Variants in SLC27A2 observed in about 807,000 individuals in gnomAD.
The protein encoded by SLC27A2 is long-chain fatty acid transport protein 2.
SLC27A2 carries 54 observed loss-of-function variants against 60.0 expected under a neutral mutation model. The observed-to-expected ratio is 0.90, with a 90% confidence interval of 0.72 to 1.13. SLC27A2 has a LOEUF of 1.13. Ranked by LOEUF, SLC27A2 falls within the 50% of genes most tolerant of loss-of-function variation. The pLI is 0.00. For missense variants in SLC27A2, 739 were observed against 777.6 expected (o/e 0.95, Z 0.59); for synonymous variants, 297 against 297.6 (o/e 1.00, Z 0.02).
intron 4 of SLC27A2, among the ~76,000 whole-genome samples, chr15:50,213,801 C>A (rs12442320): frequency 1.3e-5 from 2 of 152,006 alleles, no homozygotes; most frequent in Admixed American, 1.3e-4. Flanking sequence ...CTCTGGGATA[C>A]AACAAAGGCG....
intron 1 of SLC27A2, among the ~76,000 whole-genome samples, chr15:50,183,954 C>T (rs989774668): frequency 6.7e-6 from 1 of 149,364 alleles, no homozygotes; most frequent in African/African-American, 2.5e-5. Flanking sequence ...AAATTCCAAC[C>T]TAGCTCTATC....
chr15:50,207,685 G>T (rs2045123729), intron 4 of SLC27A2, among the ~76,000 whole-genome samples: 1 of 151,594 alleles, frequency 6.6e-6, no homozygotes, highest in Admixed American at 6.6e-5. Flanking sequence ...AACTACTCAG[G>T]AGGCTGAAGC....
Position 50,229,056 on chromosome 15 carries a change from A to G in SLC27A2, c.1555+14A>G. 1 of 1,496,168 alleles carries G rather than the reference A, an allele frequency of 6.7e-7. No homozygotes were observed. Among genetic ancestry groups the G allele is most frequent in the South Asian group, 1.1e-5 (1 of 87,534 alleles). The allele number at this position is 1,496,168 out of a possible 1,614,324, so 92.7% of individuals were successfully genotyped here. A position where few individuals can be genotyped will look rare whatever the true frequency, so the allele number is the denominator to read the frequency against. On this transcript the variant is annotated intron_variant, in intron 8 of 9. Transcript: ENST00000267842. ...TGCATGTGCCAGGTATATACAAGAT[A>G]TGATCTGTACCTAACCCATAGAGTA...
chr15:50,197,820 A>C, intron 2 of SLC27A2, 111 bp downstream of exon 2: 1 of 714,986 alleles, frequency 1.4e-6, no homozygotes, highest in Middle Eastern at 3.9e-4. Context: ...CTAATACTTC[A>C]GGAGATTTAG....
chr15:50,189,722 A>G (rs1039837667), intron 1 of SLC27A2, among the ~76,000 whole-genome samples: 1 of 152,226 alleles, frequency 6.6e-6, no homozygotes, highest in Non-Finnish European at 1.5e-5. Flanking sequence ...AGATTATTCT[A>G]TATAATAGGT....
At position 50,229,059 on chromosome 15, in the gene SLC27A2, ATC is replaced by A; in HGVS notation, c.1555+19_1555+20del. On this transcript the variant is annotated intron_variant, in intron 8 of 9. Coordinates refer to ENST00000267842, the MANE Select transcript of SLC27A2 (RefSeq NM_003645.4). ...ATGTGCCAGGTATATACAAGATATGATCTGTACCTAACCCATAGAGTAACTGA... is the reference window on the plus strand; with the variant it reads ...ATGTGCCAGGTATATACAAGATATGATGTACCTAACCCATAGAGTAACTGA... The A allele has an allele frequency of 6.9e-7, 1 of 1,452,292 alleles. No homozygotes were observed. The allele number at this position is 1,452,292 out of a possible 1,614,324, so 90.0% of individuals were successfully genotyped here.
At chr15:50,234,166 C>T (rs1043469908) in intron 9 of SLC27A2, among the ~76,000 whole-genome samples, 168 bp downstream of exon 9, 5 of 152,168 alleles carry the variant, frequency 3.3e-5, no homozygotes, top group Admixed American at 6.5e-5. Context: ...TAATATCAGG[C>T]TGGGTGCGGT....
At chr15:50,185,001 C>T (rs1035822893) in intron 1 of SLC27A2, among the ~76,000 whole-genome samples, 2 of 152,170 alleles carry the variant, frequency 1.3e-5, no homozygotes, top group Non-Finnish European at 2.9e-5. Context: ...TACCAGCTTG[C>T]TTGGAGGGAA....
chr15:50,206,669 T>A (rs900838078), intron 4 of SLC27A2, among the ~76,000 whole-genome samples: 4 of 152,192 alleles, frequency 2.6e-5, no homozygotes, highest in South Asian at 2.1e-4. Flanking sequence ...GATTATTGTC[T>A]GCCCCCCCTC....
At chr15:50,216,900 A>T (rs917092891) in intron 4 of SLC27A2, among the ~76,000 whole-genome samples, 7 of 147,598 alleles carry the variant, frequency 4.7e-5, no homozygotes, top group South Asian at 2.1e-4. Flanking sequence ...TATTCCAAAA[A>T]ATATATATAT....
At chr15:50,196,085 T>A (rs1441595136) in intron 1 of SLC27A2, among the ~76,000 whole-genome samples, 825 of 4,278 alleles carry the variant, frequency 0.19, 153 homozygotes, top group Middle Eastern at 0.5. Flanking sequence ...AAAATATATA[T>A]ATATATATAT....
At chr15:50,207,439 T>C (rs2045121669) in intron 4 of SLC27A2, among the ~76,000 whole-genome samples, 3 of 151,980 alleles carry the variant, frequency 2.0e-5, no homozygotes, top group Admixed American at 6.6e-5. Flanking sequence ...ATAAAAAGTA[T>C]AATAAAAGAT....
chr15:50,230,602 A>AAAT (rs2045310675), intron 8 of SLC27A2, among the ~76,000 whole-genome samples: 1 of 152,182 alleles, frequency 6.6e-6, no homozygotes, highest in African/African-American at 2.4e-5. Context: ...ACTCAGGGAC[A>AAAT]ATGACACGAG....
At chr15:50,231,526 C>T (rs2140915237) in intron 8 of SLC27A2, among the ~76,000 whole-genome samples, 1 of 152,260 alleles carries the variant, frequency 6.6e-6, no homozygotes, top group East Asian at 1.9e-4. Context: ...AAAAAACACA[C>T]ACACTGAAGT....
At chr15:50,215,333 A>G (rs2045187221) in intron 4 of SLC27A2, among the ~76,000 whole-genome samples, 1 of 152,210 alleles carries the variant, frequency 6.6e-6, no homozygotes, top group South Asian at 2.1e-4. Flanking sequence ...ACAAATGGAA[A>G]CATATCCCAT....
intron 1 of SLC27A2, among the ~76,000 whole-genome samples, chr15:50,193,190 T>C (rs565831659): frequency 1.5e-4 from 23 of 152,360 alleles, no homozygotes; most frequent in Admixed American, 1.3e-3. Flanking sequence ...CGTCTGCTCA[T>C]CTTTCAGGTC....
At chr15:50,189,008 TAG>T (rs2044950637) in intron 1 of SLC27A2, among the ~76,000 whole-genome samples, 1 of 151,568 alleles carries the variant, frequency 6.6e-6, no homozygotes, top group African/African-American at 2.4e-5. Flanking sequence ...GATAGATAGA[TAG>T]ATAGATAGAT....
At chr15:50,199,765 C>G (rs546341358) in intron 2 of SLC27A2, among the ~76,000 whole-genome samples, 3 of 151,926 alleles carry the variant, frequency 2.0e-5, no homozygotes, top group African/African-American at 7.2e-5. Context: ...CACATCTTTA[C>G]AAAAACATTA....
At chr15:50,186,254 A>T (rs1483636504) in intron 1 of SLC27A2, among the ~76,000 whole-genome samples, 2 of 152,090 alleles carry the variant, frequency 1.3e-5, no homozygotes, top group African/African-American at 4.8e-5. Context: ...AAAACAAAAA[A>T]ATAAAATTTC....
Sources: allele counts gnomAD v4.1 joint callset (sites outside exome capture counted in the v4.1 genomes callset), GRCh38; gene constraint gnomAD v4.1.1; transcripts MANE v1.5; gene names NCBI Gene and HGNC (gene_info 2026-07-23, HGNC 2026-07-21).